The following ZNF410 variants were observed in gnomAD, a reference collection of about 807,000 sequenced individuals.
The protein encoded by ZNF410 is another partner for ARF 1.
ZNF410 carries 18 observed loss-of-function variants against 54.8 expected under a neutral mutation model. That is an observed-to-expected ratio of 0.33 (90% CI 0.23 to 0.49). ZNF410 has a LOEUF of 0.49. ZNF410 is among the 20% of genes least tolerant of loss of function. The pLI, the probability that ZNF410 is intolerant of heterozygous loss-of-function variation, is 0.99. For synonymous variants in ZNF410, 191 were observed against 207.3 expected, an observed-to-expected ratio of 0.92 and a Z score of 0.68; for missense variants, 405 against 569.6, an observed-to-expected ratio of 0.71 and a Z score of 2.94.
chr14:73,911,836 A>AGTT (rs370213161), intron 8 of ZNF410, among the ~76,000 whole-genome samples: 9,652 of 151,894 alleles, frequency 0.064, 416 homozygotes, highest in African/African-American at 0.12. Flanking sequence ...TTCTACATTG[A>AGTT]GTTGTTGTTG....
At chr14:73,902,964 ATT>A (rs2055430213) in intron 5 of ZNF410, among the ~76,000 whole-genome samples, 1 of 152,194 alleles carries the variant, frequency 6.6e-6, no homozygotes, top group Non-Finnish European at 1.5e-5. Flanking sequence ...TTCCTTAAGT[ATT>A]TTATAACTAA....
intron 11 of ZNF410, among the ~76,000 whole-genome samples, chr14:73,926,087 C>T (rs367829081): frequency 9.2e-5 from 14 of 152,162 alleles, no homozygotes; most frequent in African/African-American, 3.4e-4. Flanking sequence ...CTCTTTCCTC[C>T]TTTTGTTGTT....
rs530225119 is a variant in ZNF410, at chr14:73,930,722, C to T, written c.1399-781C>T. Among the ~76,000 whole-genome samples the T allele has an allele frequency of 7.2e-5, 11 of 152,262 alleles. No homozygotes were observed. The South Asian group carries it at 2.3e-3, about 32-fold the overall frequency. On this transcript the variant is annotated intron_variant, in intron 11 of 11. Transcript: ENST00000555044. ...GGCTCAAGTGATCCTCCTCCCTCAGCCTCCCAAGTAGCTAGGACTGCAAGC... is the reference window on the plus strand; with the variant it reads ...GGCTCAAGTGATCCTCCTCCCTCAGTCTCCCAAGTAGCTAGGACTGCAAGC...
intron 5 of ZNF410, among the ~76,000 whole-genome samples, chr14:73,900,465 C>T (rs1010976784): frequency 1.3e-5 from 2 of 151,328 alleles, no homozygotes; most frequent in East Asian, 2.0e-4. Context: ...AACTCTGCCT[C>T]CTGGGCTCAA....
chr14:73,889,416 A>G (rs1432163536), intron 1 of ZNF410, among the ~76,000 whole-genome samples: 2 of 141,240 alleles, frequency 1.4e-5, no homozygotes, highest in Non-Finnish European at 3.0e-5. Flanking sequence ...TGCGTGACAG[A>G]GCGAGACTCA....
intron 7 of ZNF410, among the ~76,000 whole-genome samples, chr14:73,908,102 T>C (rs72627129): frequency 0.15 from 23,381 of 152,108 alleles, 2,365 homozygotes; most frequent in East Asian, 0.49. Flanking sequence ...AGTGCCAGGA[T>C]CTGAAGTCAG....
At position 73,904,003 on chromosome 14, in the gene ZNF410, T is replaced by C. The variant is rs936126640; in HGVS notation, c.624T>C (p.Asp208=). The part of the protein sequence containing the change: ...HLGSGDGQSK[D]SGPLPQVEKK... ...GTTCTGGTGATGGGCAGTCAAAAGATTCTGGGCCCCTTCCTCAAGTGGAAA... is the reference window on the plus strand; with the variant it reads ...GTTCTGGTGATGGGCAGTCAAAAGACTCTGGGCCCCTTCCTCAAGTGGAAA... Residue 208 remains aspartate (D), a synonymous_variant, in exon 6 of 12, where the codon GAT becomes GAC. Coordinates refer to ENST00000555044, the MANE Select transcript of ZNF410 (RefSeq NM_021188.3). The C allele has an allele frequency of 4.6e-5, 75 of 1,614,092 alleles. No homozygotes were observed. The highest frequency in any genetic ancestry group is 6.1e-5 in the Non-Finnish European group (72 of 1,180,056).
In ZNF410 at chr14:73,905,040, T is replaced by C; in HGVS notation, c.870T>C (p.Phe290=). 1.9e-6 allele frequency: 3 copies of C among 1,613,942 alleles called. No homozygotes were observed. In the South Asian group the frequency reaches 3.3e-5, roughly 18 times the overall value. Residue 290 remains phenylalanine (F), a synonymous_variant, in exon 7 of 12, where the codon TTT becomes TTC. Transcript: ENST00000555044. ...MCHESGCGKQ[F]TTAGNLKNHR... Reference sequence around the variant, plus strand: ...ATGAGTCTGGCTGTGGTAAGCAGTTTACTACAGCTGGAAACCTGAAGAACC... The same window carrying C: ...ATGAGTCTGGCTGTGGTAAGCAGTTCACTACAGCTGGAAACCTGAAGAACC...
At chr14:73,890,897 C>G (rs1376407820) in intron 1 of ZNF410, among the ~76,000 whole-genome samples, 3 of 152,040 alleles carry the variant, frequency 2.0e-5, no homozygotes, top group African/African-American at 4.8e-5. Context: ...GTAATCCCAG[C>G]TACTCCAGGA....
chr14:73,896,250 T>C, intron 3 of ZNF410, 66 bp from the exon 4 acceptor site: 1 of 1,153,366 alleles, frequency 8.7e-7, no homozygotes, highest in Non-Finnish European at 1.3e-6. Flanking sequence ...TTGGGTGCTG[T>C]GTATCAAAAT....
At chr14:73,921,272 A>T in intron 9 of ZNF410, 167 bp downstream of exon 9, 1 of 727,700 alleles carries the variant, frequency 1.4e-6, no homozygotes, top group South Asian at 2.7e-5. Flanking sequence ...CAGTAGAATC[A>T]TCTGCAACCT....
intron 11 of ZNF410, among the ~76,000 whole-genome samples, chr14:73,925,541 C>T (rs1054341501): frequency 2.0e-5 from 3 of 151,998 alleles, no homozygotes; most frequent in Non-Finnish European, 4.4e-5. Context: ...AATTTTCCTG[C>T]CTCAGTCTCC....
At chr14:73,888,754 G>A (rs180680498) in intron 1 of ZNF410, among the ~76,000 whole-genome samples, 35 of 152,156 alleles carry the variant, frequency 2.3e-4, no homozygotes, top group Non-Finnish European at 4.4e-4. Flanking sequence ...AATGTACATA[G>A]TACGTTGCTC....
intron 11 of ZNF410, among the ~76,000 whole-genome samples, chr14:73,929,084 ACT>A (rs2140334228): frequency 6.6e-6 from 1 of 152,320 alleles, no homozygotes; most frequent in African/African-American, 2.4e-5. Flanking sequence ...AAAATCCTGC[ACT>A]GTCACTTTTT....
chr14:73,891,497 G>A (rs1213023100), intron 1 of ZNF410, among the ~76,000 whole-genome samples: 1 of 152,092 alleles, frequency 6.6e-6, no homozygotes, highest in Non-Finnish European at 1.5e-5. Flanking sequence ...GGGATTACAG[G>A]TGCCTGCGAC....
intron 11 of ZNF410, among the ~76,000 whole-genome samples, chr14:73,923,899 G>A (rs1192812264): frequency 1.3e-5 from 2 of 152,208 alleles, no homozygotes; most frequent in South Asian, 2.1e-4. Context: ...GGCCTGGCCT[G>A]TGTAAATTGG....
intron 8 of ZNF410, among the ~76,000 whole-genome samples, chr14:73,910,773 A>G (rs2055564132): frequency 7.5e-6 from 1 of 134,090 alleles, no homozygotes; most frequent in African/African-American, 2.7e-5. Flanking sequence ...AAAAAAAAAA[A>G]GCATGGTAGT....
chr14:73,918,695 T>C (rs1490571643), intron 8 of ZNF410, among the ~76,000 whole-genome samples: 1 of 127,530 alleles, frequency 7.8e-6, no homozygotes, highest in Non-Finnish European at 1.7e-5. Flanking sequence ...CCTTTTTTTT[T>C]TTTTTTTTTT....
At chr14:73,892,555 C>A (rs1324539463) in intron 2 of ZNF410, among the ~76,000 whole-genome samples, 1 of 151,528 alleles carries the variant, frequency 6.6e-6, no homozygotes, top group East Asian at 1.9e-4. Flanking sequence ...ACTACAAATT[C>A]TTTTGTTTAT....
Sources: allele counts gnomAD v4.1 joint callset (sites outside exome capture counted in the v4.1 genomes callset), GRCh38; gene constraint gnomAD v4.1.1; transcripts MANE v1.5; gene names NCBI Gene and HGNC (gene_info 2026-07-23, HGNC 2026-07-21).